ATG14: variants seen among roughly 807,000 people sequenced by gnomAD.
ATG14 encodes beclin 1-associated autophagy-related key regulator.
In ATG14, 35 loss-of-function variants were observed where a neutral mutation model predicts 60.4. That is an observed-to-expected ratio of 0.58 (90% confidence interval 0.44 to 0.77). The LOEUF (loss-of-function observed/expected upper bound fraction) is 0.77, where lower values mean the gene tolerates loss of function less well. ATG14 is among the 30% of genes least tolerant of loss of function. The pLI, the probability that ATG14 is intolerant of heterozygous loss-of-function variation, is 0.00. For missense variants in ATG14, 647 were observed against 626.3 expected (o/e 1.03, Z -0.35); for synonymous variants, 234 against 228.8 (o/e 1.02, Z -0.21).
intron 1 of ATG14, 82 bp from the exon 2 acceptor site, chr14:55,397,516 C>T: frequency 9.2e-7 from 1 of 1,086,574 alleles, no homozygotes; most frequent in South Asian, 1.3e-5. Flanking sequence ...AAGAACCAAT[C>T]ATTCTGCAGA....
Position 55,369,712 on chromosome 14 carries a change from G to T in ATG14, c.1386C>A (p.Ser462=), listed in dbSNP as rs1441757774. Residue 462 remains serine, a synonymous_variant, in exon 10 of 10, where the codon TCC becomes TCA. Coordinates refer to ENST00000247178, the MANE Select transcript of ATG14 (RefSeq NM_014924.5). ...EVSQSQSTQA[S]PPIASSSAGG... The stretch of plus-strand genomic sequence containing the variant: ...CTGCACTGCTGCTCGCGATGGGTGG[G>T]GACGCCTGGGTGCTCTGACTCTGGG... 6.2e-7 allele frequency: 1 copy of T among 1,610,970 alleles called. No homozygotes were observed. Among genetic ancestry groups the T allele is most frequent in the African/African-American group, 1.3e-5 (1 of 75,000 alleles).
chr14:55,403,142 GTGT>G (rs1178908365), intron 1 of ATG14, among the ~76,000 whole-genome samples: 1 of 150,750 alleles, frequency 6.6e-6, no homozygotes, highest in African/African-American at 2.4e-5. Flanking sequence ...TAGAAACAAA[GTGT>G]TGTTTAGTTT....
At chr14:55,384,237 T>C (rs1885085051) in intron 5 of ATG14, among the ~76,000 whole-genome samples, 1 of 152,258 alleles carries the variant, frequency 6.6e-6, no homozygotes, top group Admixed American at 6.5e-5. Flanking sequence ...ATAGTTTTTC[T>C]TCATATTTTC....
At chr14:55,399,690 G>A (rs1486340593) in intron 1 of ATG14, among the ~76,000 whole-genome samples, 1 of 152,118 alleles carries the variant, frequency 6.6e-6, no homozygotes, top group East Asian at 1.9e-4. Flanking sequence ...GAGACAACAG[G>A]GTGATTTATG....
Position 55,369,717 on chromosome 14 carries a change from C to G in ATG14, c.1381G>C (p.Ala461Pro). ...VEVSQSQSTQASPPIASSSAG... is the reference protein window; with the variant it reads ...VEVSQSQSTQPSPPIASSSAG... ...CTGCTGCTCGCGATGGGTGGGGACG[C>G]CTGGGTGCTCTGACTCTGGGAGACT... The change falls in exon 10 of 10, where the codon GCG becomes CCG. Residue 461 changes from alanine to proline, a missense_variant. Transcript: ENST00000247178. 6.2e-7 allele frequency: 1 copy of G among 1,612,160 alleles called. No individual in the cohort carries two copies. Among genetic ancestry groups the G allele is most frequent in the Non-Finnish European group, 8.5e-7 (1 of 1,178,632 alleles).
intron 3 of ATG14, chr14:55,395,198 G>GGA (rs1885292105): frequency 2.4e-6 from 1 of 416,072 alleles, no homozygotes; most frequent in Admixed American, 2.8e-5. Context: ...CTTCCTCTGT[G>GGA]GCCCATTCAG....
chr14:55,385,469 T>G (rs373299112), intron 5 of ATG14, among the ~76,000 whole-genome samples: 23 of 152,316 alleles, frequency 1.5e-4, no homozygotes, highest in African/African-American at 4.8e-4. Context: ...ATTTTTGTAT[T>G]TTTAGTAGAG....
chr14:55,389,178 A>G (rs1885173921), intron 4 of ATG14, among the ~76,000 whole-genome samples: 1 of 152,228 alleles, frequency 6.6e-6, no homozygotes, highest in African/African-American at 2.4e-5. Context: ...AATGTGTTAA[A>G]AAGAGCTGAT....
chr14:55,387,700 G>A (rs144223903), intron 4 of ATG14, among the ~76,000 whole-genome samples: 4 of 152,100 alleles, frequency 2.6e-5, no homozygotes, highest in East Asian at 3.9e-4. Flanking sequence ...ACGGAGTTTC[G>A]CTCTTGTTGC....
chr14:55,382,495 AT>A (rs912929290), intron 5 of ATG14, among the ~76,000 whole-genome samples: 4 of 151,334 alleles, frequency 2.6e-5, no homozygotes, highest in African/African-American at 7.3e-5. Flanking sequence ...AACTTAAAAA[AT>A]TTTTTTTTGT....
In ATG14 at chr14:55,386,521, C is replaced by G. The variant is rs553934347; in HGVS notation, c.410-425G>C. On this transcript the variant is annotated intron_variant, in intron 4 of 9. Transcript: ENST00000247178. ...GTGCCTTGGGCTATAATCAGAGAAC[C>G]CAGGGATAATCTCACAGCAGGTGGT... Among the ~76,000 whole-genome samples the G allele has an allele frequency of 3.3e-5, 5 of 152,218 alleles. No homozygotes were observed. In the South Asian group the frequency reaches 8.3e-4, roughly 25 times the overall value.
At chr14:55,377,379 C>T (rs971721538) in intron 9 of ATG14, among the ~76,000 whole-genome samples, 17 of 151,902 alleles carry the variant, frequency 1.1e-4, no homozygotes, top group South Asian at 8.3e-4. Flanking sequence ...ATTGTTACGA[C>T]GGACAAGGAG....
intron 4 of ATG14, 137 bp downstream of exon 4, chr14:55,390,774 G>A (rs1594781291): frequency 1.6e-6 from 1 of 633,792 alleles, no homozygotes; most frequent in East Asian, 3.1e-5. Flanking sequence ...AAGGAAAGAT[G>A]AGGGCGAGTA....
intron 7 of ATG14, among the ~76,000 whole-genome samples, chr14:55,379,740 G>A (rs1438225443): frequency 6.6e-6 from 1 of 152,098 alleles, no homozygotes; most frequent in African/African-American, 2.4e-5. Flanking sequence ...ATTTATTTTT[G>A]AGACGAAGTC....
chr14:55,368,525 ATTCT>A lies in ATG14; in HGVS notation c.*1090_*1093del, dbSNP rs1454839582. 3.3e-5 allele frequency: 5 copies of A among 152,318 alleles called. No homozygotes were observed. Among genetic ancestry groups the A allele is most frequent in the Admixed American group, 6.5e-5 (1 of 15,268 alleles). 9.4% of individuals were successfully genotyped at this position (152,318 alleles called of 1,614,324 possible). A position where few individuals can be genotyped will look rare whatever the true frequency, so the allele number is the denominator to read the frequency against. On this transcript the variant is annotated 3_prime_UTR_variant, in exon 10 of 10. Transcript: ENST00000247178. ...GTGAGCCACTGCGCCTGGCTGGGAAATTCTTTCTTTATATTGTGCTTTCCCCAGA... is the reference window on the plus strand; with the variant it reads ...GTGAGCCACTGCGCCTGGCTGGGAAATTCTTTATATTGTGCTTTCCCCAGA...
Position 55,369,259 on chromosome 14 carries a change from G to A in ATG14, c.*360C>T, listed in dbSNP as rs116309676. On this transcript the variant is annotated 3_prime_UTR_variant, in exon 10 of 10. Transcript: ENST00000247178. Reference sequence around the variant, plus strand: ...AAGTGTCAGGAACAGTCTCAGCACCGCAAGGACCAGCACACTGACCCATAT... The same window carrying A: ...AAGTGTCAGGAACAGTCTCAGCACCACAAGGACCAGCACACTGACCCATAT... 715 of 169,830 alleles carry A rather than the reference G, an allele frequency of 4.2e-3. 6 individuals carry two copies. Among genetic ancestry groups the A allele is most frequent in the African/African-American group, 0.017 (681 of 40,978 alleles). The allele number at this position is 169,830 out of a possible 1,614,324, so 10.5% of individuals were successfully genotyped here. A position where few individuals can be genotyped will look rare whatever the true frequency, so the allele number is the denominator to read the frequency against.
chr14:55,395,928 A>G lies in ATG14; in HGVS notation c.327+12T>C. 1 of 1,572,006 alleles carries G rather than the reference A, an allele frequency of 6.4e-7. No individual in the cohort carries two copies. On this transcript the variant is annotated intron_variant, in intron 3 of 9. Transcript: ENST00000247178. The stretch of plus-strand genomic sequence containing the variant: ...GTAGCCTCAAGTAAAAAGAACATGT[A>G]TTACAACTTACCAACTGATCTGTTA...
intron 1 of ATG14, among the ~76,000 whole-genome samples, chr14:55,409,194 A>C (rs1034706776): frequency 6.6e-6 from 1 of 152,242 alleles, no homozygotes; most frequent in African/African-American, 2.4e-5. Context: ...GCAGAGAGGA[A>C]GAGAAAAAGA....
intron 3 of ATG14, among the ~76,000 whole-genome samples, chr14:55,392,425 A>T (rs1163452934): frequency 6.6e-6 from 1 of 152,172 alleles, no homozygotes; most frequent in African/African-American, 2.4e-5. Flanking sequence ...AGGCAGGCAC[A>T]TCACTTGAGC....
Sources: allele counts gnomAD v4.1 joint callset (sites outside exome capture counted in the v4.1 genomes callset), GRCh38; gene constraint gnomAD v4.1.1; transcripts MANE v1.5; gene names NCBI Gene and HGNC (gene_info 2026-07-23, HGNC 2026-07-21).